The following SULF2 variants were observed in gnomAD, a reference collection of about 807,000 sequenced individuals.
The protein encoded by SULF2 is extracellular sulfatase Sulf-2.
Under a neutral mutation model 107.7 loss-of-function variants are expected in SULF2, and 52 were observed. That is an observed-to-expected ratio of 0.48 (90% CI 0.39 to 0.61). The LOEUF (loss-of-function observed/expected upper bound fraction) is 0.61. SULF2 is among the 20% of genes least tolerant of loss of function. The pLI is 0.00. For synonymous variants in SULF2, 460 were observed against 464.3 expected (o/e 0.99, Z 0.12); for missense variants, 993 against 1,177.3 (o/e 0.84, Z 2.29).
intron 6 of SULF2, among the ~76,000 whole-genome samples, chr20:47,683,850 A>C (rs1279116010): frequency 6.6e-6 from 1 of 152,254 alleles, no homozygotes; most frequent in African/African-American, 2.4e-5. Context: ...CCAGGGGTGA[A>C]GCTTGAACAC....
intron 3 of SULF2, among the ~76,000 whole-genome samples, chr20:47,706,107 C>T (rs2088728845): frequency 6.6e-6 from 1 of 152,054 alleles, no homozygotes; most frequent in African/African-American, 2.4e-5. Flanking sequence ...CTGAGAAACC[C>T]TATCTTATTT....
At chr20:47,672,104 G>C (rs1449882668) in intron 11 of SULF2, 94 bp downstream of exon 11, 7 of 1,357,966 alleles carry the variant, frequency 5.2e-6, no homozygotes, top group Non-Finnish European at 7.1e-6. Flanking sequence ...CTGGCAAAGT[G>C]ACAGTCTCTG....
At chr20:47,671,485 G>T (rs903941727) in intron 11 of SULF2, among the ~76,000 whole-genome samples, 3 of 152,050 alleles carry the variant, frequency 2.0e-5, no homozygotes, top group African/African-American at 7.2e-5. Context: ...TGTTGGCCAG[G>T]CTGGTCTTGA....
intron 13 of SULF2, 114 bp from the exon 14 acceptor site, chr20:47,665,407 C>G: frequency 1.3e-6 from 1 of 766,292 alleles, no homozygotes; most frequent in Non-Finnish European, 2.3e-6. Flanking sequence ...GCAGCCTGCA[C>G]TCCCCGGGCC....
intron 16 of SULF2, 54 bp from the exon 17 acceptor site, chr20:47,663,266 G>C (rs1472139531): frequency 6.2e-7 from 1 of 1,608,062 alleles, no homozygotes; most frequent in Non-Finnish European, 8.5e-7. Context: ...GGCCCCATCT[G>C]CCAACAGTGA....
intron 3 of SULF2, among the ~76,000 whole-genome samples, chr20:47,703,581 A>C (rs538275487): frequency 6.6e-6 from 1 of 152,278 alleles, no homozygotes; most frequent in African/African-American, 2.4e-5. Context: ...AACCGGTCCA[A>C]CCACGGTGGG....
Position 47,666,095 on chromosome 20 carries a change from T to C in SULF2, c.1806-142A>G, listed in dbSNP as rs184990645. On this transcript the variant is annotated intron_variant, in intron 12 of 20. Transcript: ENST00000688720. This position sits in a 1 kb window ranked among gnomAD's most constrained non-coding sequence, Gnocchi z 5.4. Reference sequence around the variant, plus strand: ...TTCCACCTGGACACTCACCGATGTGTCACTTTAATGGGGTTGGCGGCTGAA... The same window carrying C: ...TTCCACCTGGACACTCACCGATGTGCCACTTTAATGGGGTTGGCGGCTGAA... The C allele has an allele frequency of 8.4e-4, 1,346 of 1,610,238 alleles. 13 individuals are homozygous for C. In the African/African-American group the frequency reaches 0.016, roughly 19 times the overall value.
chr20:47,678,840 A>C lies in SULF2; in HGVS notation c.1065-36T>G. On this transcript the variant is annotated intron_variant, in intron 7 of 20. Transcript: ENST00000688720. This position sits in a 1 kb window ranked among gnomAD's most constrained non-coding sequence, Gnocchi z 4.5. ...CAGGAGATCGGGGACTCAGTCACTC[A>C]GGTGGTGGTGCCTCAGCCTCGCGTG... The C allele has an allele frequency of 6.2e-7, 1 of 1,603,340 alleles. No individual in the cohort carries two copies. Among genetic ancestry groups the C allele is most frequent in the Non-Finnish European group, 8.5e-7 (1 of 1,173,384 alleles).
At chr20:47,780,264 G>A (rs1331849271) in intron 1 of SULF2, among the ~76,000 whole-genome samples, 3 of 152,028 alleles carry the variant, frequency 2.0e-5, no homozygotes, top group East Asian at 1.9e-4. Context: ...TGATCTAACT[G>A]CCTCAGCCTC....
chr20:47,737,814 G>C (rs1233850128), intron 2 of SULF2, among the ~76,000 whole-genome samples: 1 of 135,170 alleles, frequency 7.4e-6, no homozygotes, highest in Admixed American at 8.0e-5. Context: ...CCAGGCTGGA[G>C]TGCAGTGGTG....
chr20:47,722,013 G>A (rs370642946), intron 3 of SULF2, among the ~76,000 whole-genome samples: 1 of 152,132 alleles, frequency 6.6e-6, no homozygotes, highest in Non-Finnish European at 1.5e-5. Flanking sequence ...CTGGGGAGAT[G>A]GACCTGTGGG....
intron 4 of SULF2, among the ~76,000 whole-genome samples, chr20:47,700,950 G>A (rs991668996): frequency 3.3e-5 from 5 of 152,094 alleles, no homozygotes; most frequent in African/African-American, 9.7e-5. Context: ...CTGGCCGGGC[G>A]CAACATCTTA....
At chr20:47,739,730 G>T (rs1441599421) in intron 2 of SULF2, among the ~76,000 whole-genome samples, 1 of 152,238 alleles carries the variant, frequency 6.6e-6, no homozygotes, top group African/African-American at 2.4e-5. Flanking sequence ...AGCCTACTTT[G>T]TTCACTGCCT....
At chr20:47,683,569 G>A (rs1262056984) in intron 6 of SULF2, among the ~76,000 whole-genome samples, 2 of 152,252 alleles carry the variant, frequency 1.3e-5, no homozygotes, top group Non-Finnish European at 2.9e-5. Flanking sequence ...GCCTATGGCA[G>A]GATCTTGCGA....
intron 1 of SULF2, among the ~76,000 whole-genome samples, chr20:47,777,386 CCA>C (rs150605726): frequency 0.034 from 5,190 of 152,142 alleles, 308 homozygotes; most frequent in African/African-American, 0.12. Context: ...TCCTATAGTC[CCA>C]CTTTGTAGGG....
At chr20:47,755,024 G>T (rs1230536028) in intron 2 of SULF2, among the ~76,000 whole-genome samples, 3 of 21,356 alleles carry the variant, frequency 1.4e-4, no homozygotes, top group Admixed American at 1.0e-3. Flanking sequence ...TGTTAAGACG[G>T]GGGGGGTCTC....
intron 3 of SULF2, among the ~76,000 whole-genome samples, chr20:47,723,252 G>GAA (rs1292510470): frequency 7.5e-6 from 1 of 132,976 alleles, no homozygotes. Context: ...TCAAAAAAAA[G>GAA]AAAAAAAAAA....
rs2087214867 is a variant in SULF2 at position 47,665,047 on chromosome 20, C to G, written c.1997+152G>C. On this transcript the variant is annotated intron_variant, in intron 14 of 20. Transcript: ENST00000688720. Reference sequence around the variant, plus strand: ...GTCCGTGTGCCACACTGGCTGACAACAGGGAGGTAAATTACGGATTTTTTT... The same window carrying G: ...GTCCGTGTGCCACACTGGCTGACAAGAGGGAGGTAAATTACGGATTTTTTT... 7.3e-6 allele frequency: 5 copies of G among 682,430 alleles called. No homozygotes were observed. The African/African-American group carries it at 9.0e-5, about 12-fold the overall frequency. The allele number at this position is 682,430 out of a possible 1,614,324, so 42.3% of individuals were successfully genotyped here.
In SULF2 at chr20:47,661,857, T is replaced by G; in HGVS notation, c.2410A>C (p.Asn804His). Reference sequence around the variant, plus strand: ...TCCATGAGCTGTACGTGTAGCTGGTTGAGGACATCCCTGTCCAGTGTGTTC... The same window carrying G: ...TCCATGAGCTGTACGTGTAGCTGGTGGAGGACATCCCTGTCCAGTGTGTTC... ...AVNTLDRDVL[N>H]QLHVQLMELR... Residue 804 changes from asparagine (N) to histidine (H), a missense_variant, in exon 18 of 21, where the codon AAC (asparagine) becomes CAC (histidine). By Grantham distance (68) the Asn-to-His change is moderately conservative. Transcript: ENST00000688720. 1 of 1,594,780 alleles carries G rather than the reference T, an allele frequency of 6.3e-7. No individual in the cohort carries two copies. The highest frequency in any genetic ancestry group is 8.6e-7 in the Non-Finnish European group (1 of 1,167,122).
Sources: allele counts gnomAD v4.1 joint callset (sites outside exome capture counted in the v4.1 genomes callset), GRCh38; gene constraint gnomAD v4.1.1; non-coding constraint Gnocchi (gnomAD v3.1); transcripts MANE v1.5; gene names NCBI Gene and HGNC (gene_info 2026-07-23, HGNC 2026-07-21).